The following TMEM181 variants were observed in gnomAD, a reference collection of about 807,000 sequenced individuals.
TMEM181 encodes the protein transmembrane protein 181, also known as G protein-coupled receptor 178.
TMEM181 carries 39 observed loss-of-function variants against 71.9 expected under a neutral mutation model. The observed-to-expected ratio is 0.54, with a 90% CI of 0.42 to 0.71. TMEM181 has a LOEUF of 0.71. TMEM181 is among the 30% of genes least tolerant of loss of function. The pLI is 0.00. For synonymous variants in TMEM181, 245 were observed against 228.8 expected (o/e 1.07, Z -0.64); for missense variants, 595 against 583.0 (o/e 1.02, Z -0.21).
intron 1 of TMEM181, among the ~76,000 whole-genome samples, chr6:158,537,343 G>C (rs1781159438): frequency 6.6e-6 from 1 of 152,148 alleles, no homozygotes; most frequent in Admixed American, 6.5e-5. Context: ...TTTGCAGGAC[G>C]CCTCGGAGGC....
chr6:158,586,525 C>T (rs9457408), intron 5 of TMEM181, among the ~76,000 whole-genome samples: 59,017 of 152,010 alleles, frequency 0.39, 11,888 homozygotes, highest in Middle Eastern at 0.51. Context: ...CCCAAGGTAA[C>T]GCAGATATTA....
At chr6:158,583,812 A>T (rs1443404836) in intron 3 of TMEM181, 142 bp from the exon 4 acceptor site, 4 of 577,602 alleles carry the variant, frequency 6.9e-6, no homozygotes, top group Non-Finnish European at 1.2e-5. Flanking sequence ...TAAAAAAAAG[A>T]AGGAAAACCT....
At chr6:158,538,156 C>CTATT (rs1340967906) in intron 1 of TMEM181, among the ~76,000 whole-genome samples, 10 of 132,130 alleles carry the variant, frequency 7.6e-5, no homozygotes, top group African/African-American at 2.6e-4. Context: ...TTTTTTTTTC[C>CTATT]TATTTATTTA....
At chr6:158,589,346 CT>C (rs1402273338) in intron 5 of TMEM181, among the ~76,000 whole-genome samples, 2 of 152,212 alleles carry the variant, frequency 1.3e-5, no homozygotes, top group East Asian at 1.9e-4. Context: ...TACGTTTCCC[CT>C]GTGCTCTAGT....
In TMEM181 at chr6:158,576,280, T is replaced by TA. The variant is rs760653056; in HGVS notation, c.112+2758dup. On this transcript the variant is annotated intron_variant, in intron 2 of 16. Transcript: ENST00000684151. Reference sequence around the variant, plus strand: ...CGGCTAAATGTGTGTTCCTAGCGCTTATAGAAACCAAGGTGGGCAAAAAGG... The same window carrying TA: ...CGGCTAAATGTGTGTTCCTAGCGCTTAATAGAAACCAAGGTGGGCAAAAAGG... Among the ~76,000 whole-genome samples the TA allele has an allele frequency of 4.6e-5, 7 of 152,180 alleles. No homozygotes were observed. The East Asian group carries it at 1.3e-3, about 29-fold the overall frequency.
chr6:158,607,952 C>G (rs1021155912), intron 8 of TMEM181, among the ~76,000 whole-genome samples: 1 of 152,274 alleles, frequency 6.6e-6, no homozygotes, highest in African/African-American at 2.4e-5. Flanking sequence ...TGTTTGCTTC[C>G]CGAGCTGCCG....
intron 3 of TMEM181, among the ~76,000 whole-genome samples, chr6:158,583,151 T>TG (rs1783570680): frequency 6.6e-6 from 1 of 152,084 alleles, no homozygotes; most frequent in Non-Finnish European, 1.5e-5. Context: ...GAGAATCACT[T>TG]GAACCTGGGA....
At chr6:158,625,379 C>T (rs539213489) in intron 12 of TMEM181, among the ~76,000 whole-genome samples, 173 bp downstream of exon 12, 22 of 152,278 alleles carry the variant, frequency 1.4e-4, no homozygotes, top group Non-Finnish European at 2.8e-4. Flanking sequence ...ACAGGCCTTA[C>T]AGGTTACTCT....
rs1361342376 is a variant in TMEM181, at chr6:158,632,531, T to G, written c.*643T>G. 1 of 152,614 alleles carries G rather than the reference T, an allele frequency of 6.6e-6. No homozygotes were observed. Among genetic ancestry groups the G allele is most frequent in the East Asian group, 1.9e-4 (1 of 5,204 alleles). 9.5% of individuals were successfully genotyped at this position (152,614 alleles called of 1,614,324 possible). ...AAGGGGAAGTAATAGTGTGGAGTTC[T>G]GAGGAGGGTTTGATAAGTTGAATAA... is the stretch of plus-strand genomic sequence containing the variant. On this transcript the variant is annotated 3_prime_UTR_variant, in exon 17 of 17. Coordinates refer to ENST00000684151, the MANE Select transcript of TMEM181 (RefSeq NM_001376852.1).
At chr6:158,600,558 C>G (rs1030914784) in intron 6 of TMEM181, among the ~76,000 whole-genome samples, 6 of 149,252 alleles carry the variant, frequency 4.0e-5, no homozygotes, top group Non-Finnish European at 8.9e-5. Context: ...CAACCTCCAC[C>G]TCCTGGGTTC....
At chr6:158,612,254 C>T (rs1478711928) in intron 10 of TMEM181, among the ~76,000 whole-genome samples, 1 of 152,186 alleles carries the variant, frequency 6.6e-6, no homozygotes, top group East Asian at 1.9e-4. Context: ...GGAGCTGGAA[C>T]TGAAAATGGG....
intron 1 of TMEM181, 148 bp downstream of exon 1, chr6:158,560,380 C>T (rs1782087346): frequency 1.3e-5 from 12 of 943,158 alleles, no homozygotes; most frequent in Non-Finnish European, 1.5e-5. Flanking sequence ...AAGGGGGCTT[C>T]GCGGGCGGGT....
chr6:158,598,472 G>A (rs1455372615), intron 6 of TMEM181, among the ~76,000 whole-genome samples: 1 of 152,076 alleles, frequency 6.6e-6, no homozygotes, highest in Non-Finnish European at 1.5e-5. Flanking sequence ...GAAACTGAGA[G>A]GAGTGCGCCT....
At chr6:158,618,130 T>A (rs969323719) in intron 10 of TMEM181, among the ~76,000 whole-genome samples, 3 of 151,200 alleles carry the variant, frequency 2.0e-5, no homozygotes, top group Admixed American at 6.6e-5. Flanking sequence ...TTTGTAGGTC[T>A]CTAAGGACTT....
chr6:158,537,563 A>T (rs375046654), intron 1 of TMEM181, among the ~76,000 whole-genome samples: 4 of 152,080 alleles, frequency 2.6e-5, no homozygotes, highest in South Asian at 4.1e-4. Flanking sequence ...TGCAGTTCGG[A>T]GGGGAAGGAA....
At chr6:158,582,764 T>A (rs921584245) in intron 3 of TMEM181, among the ~76,000 whole-genome samples, 2 of 152,152 alleles carry the variant, frequency 1.3e-5, no homozygotes, top group African/African-American at 2.4e-5. Flanking sequence ...TCAGTAACTC[T>A]CTCTGTGGCC....
chr6:158,544,667 C>A lies in TMEM181; in HGVS notation c.131+7802C>A, dbSNP rs187730549. 4.3e-3 allele frequency among the ~76,000 whole-genome samples: 657 copies of A among 152,228 alleles called. 6 individuals carry two copies. Among genetic ancestry groups the A allele is most frequent in the African/African-American group, 0.015 (621 of 41,530 alleles). On this transcript the variant is annotated intron_variant, in intron 1 of 16. Coordinates refer to the TMEM181 transcript ENST00000367090. The stretch of plus-strand genomic sequence containing the variant: ...GGTCTTGGTCTTCCCGCCTTCCTTC[C>A]GGCTGGCTGGTTCTCTTGCTCTTCT...
chr6:158,542,696 C>G (rs573766467), intron 1 of TMEM181, among the ~76,000 whole-genome samples: 2 of 152,240 alleles, frequency 1.3e-5, no homozygotes, highest in African/African-American at 4.8e-5. Context: ...CCTACACCTC[C>G]TGGGTTCAAG....
Position 158,633,420 on chromosome 6 carries a change from C to T in TMEM181, c.*1532C>T, listed in dbSNP as rs1786768312. ...GTGCTTTCCTCTTGACCTCTACAGT[C>T]ACACTTCTGTTAACATCTGGTAACT... On this transcript the variant is annotated 3_prime_UTR_variant, in exon 17 of 17. Coordinates refer to ENST00000684151, the MANE Select transcript of TMEM181 (RefSeq NM_001376852.1). The T allele has an allele frequency of 1.3e-5, 2 of 152,258 alleles. No individual in the cohort carries two copies. The highest frequency in any genetic ancestry group is 2.1e-4 in the South Asian group (1 of 4,832). 9.4% of individuals were successfully genotyped at this position (152,258 alleles called of 1,614,324 possible).
Sources: allele counts gnomAD v4.1 joint callset (sites outside exome capture counted in the v4.1 genomes callset), GRCh38; gene constraint gnomAD v4.1.1; transcripts MANE v1.5; gene names NCBI Gene and HGNC (gene_info 2026-07-23, HGNC 2026-07-21).